GALNT9: variants seen among roughly 807,000 people sequenced by gnomAD.
GALNT9 encodes GalNAc transferase 9.
Under a neutral mutation model 63.1 loss-of-function variants are expected in GALNT9, and 47 were observed. The ratio of observed to expected loss-of-function variants is 0.75; its 90% confidence interval spans 0.59 to 0.95. The LOEUF (loss-of-function observed/expected upper bound fraction) is 0.95. Ranked by LOEUF, GALNT9 falls within the 40% of genes least tolerant of loss-of-function variation. GALNT9 has a pLI of 0.00. For missense variants in GALNT9, 829 were observed against 874.8 expected (o/e 0.95, Z 0.66); for synonymous variants, 396 against 365.7 (o/e 1.08, Z -0.94).
rs2136895620 is a variant in GALNT9 at position 132,237,842 on chromosome 12, G to A, written c.1077+10068C>T. Among the ~76,000 whole-genome samples the A allele has an allele frequency of 3.3e-5, 5 of 152,260 alleles. No homozygotes were observed. The East Asian group carries it at 5.8e-4, about 18-fold the overall frequency. The stretch of plus-strand genomic sequence containing the variant: ...GCGGACAGGCATCTGCCAGGCCTGC[G>A]GTGGAGGTTGGGGGGTGGAACCCTC... On this transcript the variant is annotated intron_variant, in intron 6 of 10. Transcript: ENST00000328957.
Position 132,327,646 on chromosome 12 carries a change from G to A in GALNT9, c.238+1320C>T, listed in dbSNP as rs1052783393. 2.0e-5 allele frequency among the ~76,000 whole-genome samples: 3 copies of A among 152,050 alleles called. No individual in the cohort carries two copies. Among genetic ancestry groups the A allele is most frequent in the Non-Finnish European group, 2.9e-5 (2 of 68,030 alleles). ...CTGCTTGAACTACTTTTCTCCCCTC[G>A]TGGCTCCAGCTGAATCAGAAAGATC... On this transcript the variant is annotated intron_variant, in intron 1 of 10. Transcript: ENST00000328957. This position sits in a 1 kb window ranked among gnomAD's most constrained non-coding sequence, Gnocchi z 4.3.
chr12:132,203,492 G>T lies in GALNT9; in HGVS notation c.1263+13C>A, dbSNP rs748933691. The T allele has an allele frequency of 1.2e-5, 19 of 1,613,028 alleles. No homozygotes were observed. The highest frequency in any genetic ancestry group is 1.6e-5 in the Non-Finnish European group (19 of 1,179,376). On this transcript the variant is annotated intron_variant, in intron 7 of 10. Coordinates refer to ENST00000328957, the MANE Select transcript of GALNT9 (RefSeq NM_001122636.2). ...GGGGCATGGCCCCGGCTCCCGGCCT[G>T]TGGGGGACTCACCGACATGGGGATG...
chr12:132,256,751 A>G (rs1239506788), intron 5 of GALNT9, among the ~76,000 whole-genome samples: 3 of 152,046 alleles, frequency 2.0e-5, no homozygotes, highest in African/African-American at 7.2e-5. Flanking sequence ...AAGTGGCTGC[A>G]CCGATTCACA....
At position 132,245,565 on chromosome 12, in the gene GALNT9, G is replaced by A. The variant is rs1329122099; in HGVS notation, c.1077+2345C>T. On this transcript the variant is annotated intron_variant, in intron 6 of 10. Coordinates refer to ENST00000328957, the MANE Select transcript of GALNT9 (RefSeq NM_001122636.2). The surrounding 1 kb of genome is among the most constrained non-coding windows in gnomAD (Gnocchi z 6.3). ...AGCCTGCTGACCCTCGCCCAGCCAG[G>A]GCCCTCCGTGGTCCGGCACCCACAC... Among the ~76,000 whole-genome samples the A allele has an allele frequency of 6.7e-6, 1 of 149,540 alleles. No individual in the cohort carries two copies. The highest frequency in any genetic ancestry group is 1.5e-5 in the Non-Finnish European group (1 of 67,532).
At chr12:132,240,500 C>A (rs1053166229) in intron 6 of GALNT9, 2 of 413,486 alleles carry the variant, frequency 4.8e-6, no homozygotes, top group African/African-American at 4.2e-5. Context: ...CCCCGGGCGG[C>A]ACTCACTCCA....
chr12:132,286,517 G>T lies in GALNT9; in HGVS notation c.239-87C>A, dbSNP rs770016407. 18 of 1,445,728 alleles carry T rather than the reference G, an allele frequency of 1.2e-5. No individual in the cohort carries two copies. The highest frequency in any genetic ancestry group is 1.5e-5 in the Non-Finnish European group (17 of 1,100,766). The allele number at this position is 1,445,728 out of a possible 1,614,324, so 89.6% of individuals were successfully genotyped here. A position where few individuals can be genotyped will look rare whatever the true frequency, so the allele number is the denominator to read the frequency against. ...AGACGCCCCTCCCGCCCCTCTCCCC[G>T]ACGGCCGCTTCCCCCGGTACAAGCC... On this transcript the variant is annotated intron_variant, in intron 1 of 10. Transcript: ENST00000328957. This position sits in a 1 kb window ranked among gnomAD's most constrained non-coding sequence, Gnocchi z 7.4.
Position 132,329,105 on chromosome 12 carries a change from G to A in GALNT9, c.99C>T (p.Arg33=). ...TCACGATGCGCACGAGCTCCTGGGA[G>A]CGGCCCTGCAGGCGGCAGTACACGG... is the stretch of plus-strand genomic sequence containing the variant. ...LFSVYCRLQG[R]SQELVRIVSG... The change falls in exon 1 of 11, where the codon CGC becomes CGT. Residue 33 remains arginine (R), a synonymous_variant. Coordinates refer to ENST00000328957, the MANE Select transcript of GALNT9 (RefSeq NM_001122636.2). 1.3e-6 allele frequency: 2 copies of A among 1,549,348 alleles called. No individual in the cohort carries two copies. The highest frequency in any genetic ancestry group is 1.2e-5 in the South Asian group (1 of 84,038).
intron 5 of GALNT9, among the ~76,000 whole-genome samples, chr12:132,251,704 TG>T (rs1464755112): frequency 1.3e-5 from 2 of 152,054 alleles, no homozygotes; most frequent in Non-Finnish European, 2.9e-5. Context: ...TGGAGGGCCC[TG>T]GGGAATGGAG....
At chr12:132,224,556 CCACACAACCCACACCCCA>C (rs1877566175) in intron 6 of GALNT9, among the ~76,000 whole-genome samples, 3 of 134,158 alleles carry the variant, frequency 2.2e-5, no homozygotes, top group African/African-American at 8.8e-5. Context: ...AACCCACACC[CCACACAACCCACACCCCA>C]CACACACACA....
intron 4 of GALNT9, among the ~76,000 whole-genome samples, chr12:132,258,624 G>A (rs1348766150): frequency 2.0e-5 from 3 of 152,212 alleles, no homozygotes; most frequent in African/African-American, 7.2e-5. Context: ...AAGCCCGGGC[G>A]TGTGCCTAAT....
At position 132,319,303 on chromosome 12, in the gene GALNT9, G is replaced by A. The variant is rs1349111964; in HGVS notation, c.238+9663C>T. ...GGGATCAGCCCCTTCTCGGAGGCCC[G>A]GCTGGAACAGAAAGGCAGAGGAGGG... On this transcript the variant is annotated intron_variant, in intron 1 of 10. Transcript: ENST00000328957. The surrounding 1 kb of genome is among the most constrained non-coding windows in gnomAD (Gnocchi z 5.2). Among the ~76,000 whole-genome samples, 3 of 152,186 alleles carry A rather than the reference G, an allele frequency of 2.0e-5. No individual in the cohort carries two copies. The highest frequency in any genetic ancestry group is 1.9e-4 in the East Asian group (1 of 5,188).
intron 5 of GALNT9, among the ~76,000 whole-genome samples, chr12:132,251,436 A>G (rs1878911777): frequency 6.6e-6 from 1 of 152,040 alleles, no homozygotes; most frequent in Non-Finnish European, 1.5e-5. Flanking sequence ...CTTTCCGGGG[A>G]GGGGAGCGGC....
rs1463808342 is a variant in GALNT9 at position 132,197,964 on chromosome 12, G to C, written c.1498-5C>G. 3.1e-6 allele frequency: 5 copies of C among 1,603,660 alleles called. No homozygotes were observed. The highest frequency in any genetic ancestry group is 1.3e-5 in the African/African-American group (1 of 74,904). ...ATCAGCGCTGTACCGCACCAGCTGG[G>C]GACAGGACCACCGGGACTGTGTGTG... is the stretch of plus-strand genomic sequence containing the variant. On this transcript the variant is annotated splice_polypyrimidine_tract_variant and splice_region_variant and intron_variant, in intron 9 of 10. Coordinates refer to ENST00000328957, the MANE Select transcript of GALNT9 (RefSeq NM_001122636.2).
At chr12:132,267,771 T>TCACACACGCACA (rs1879668426) in intron 2 of GALNT9, among the ~76,000 whole-genome samples, 1 of 124,084 alleles carries the variant, frequency 8.1e-6, no homozygotes, top group African/African-American at 3.8e-5. Flanking sequence ...ACACATGCAC[T>TCACACACGCACA]CACACACACG....
chr12:132,314,960 C>T (rs78762478), intron 1 of GALNT9, among the ~76,000 whole-genome samples: 3,538 of 152,294 alleles, frequency 0.023, 64 homozygotes, highest in Middle Eastern at 0.089. Flanking sequence ...CAAGCGCGAC[C>T]GGGTGCCGGG....
intron 1 of GALNT9, among the ~76,000 whole-genome samples, chr12:132,325,921 C>G (rs888289388): frequency 2.0e-5 from 3 of 152,282 alleles, no homozygotes; most frequent in Non-Finnish European, 2.9e-5. Flanking sequence ...CCTCTCCCAG[C>G]AGAGTGAGTC....
chr12:132,250,050 G>A (rs879960081), intron 5 of GALNT9, among the ~76,000 whole-genome samples: 8 of 152,358 alleles, frequency 5.3e-5, no homozygotes, highest in Middle Eastern at 3.4e-3. Context: ...CAGCAGCCAC[G>A]GAGGGACAGG....
At chr12:132,297,430 C>T (rs1881116176) in intron 1 of GALNT9, among the ~76,000 whole-genome samples, 1 of 145,220 alleles carries the variant, frequency 6.9e-6, no homozygotes, top group Non-Finnish European at 1.5e-5. Context: ...ACTCCTGAGA[C>T]AATAAAGCCG....
rs747013104 is a variant in GALNT9 at position 132,197,082 on chromosome 12, T to C, written c.*25A>G. On this transcript the variant is annotated 3_prime_UTR_variant, in exon 11 of 11. Coordinates refer to ENST00000328957, the MANE Select transcript of GALNT9 (RefSeq NM_001122636.2). ...CTCGGCCCAGCGCCTTCCCGAGGTC[T>C]GTGGGGGTCCGGGCGGAGGTGGGGT... 16 of 1,612,538 alleles carry C rather than the reference T, an allele frequency of 9.9e-6. No individual in the cohort carries two copies. The Admixed American group carries it at 1.5e-4, about 15-fold the overall frequency.
Sources: gnomAD v4.1 joint callset for allele counts (sites outside exome capture counted in the v4.1 genomes callset) on GRCh38, gnomAD v4.1.1 for gene constraint, Gnocchi (gnomAD v3.1) non-coding constraint, MANE v1.5 for transcripts, NCBI Gene and HGNC (gene_info 2026-07-23, HGNC 2026-07-21) for gene names.